Variants in RNF217 observed in about 807,000 individuals in gnomAD.
RNF217 encodes the protein ring finger protein 217, also known as E3 ubiquitin-protein ligase RNF217.
Under a neutral mutation model 57.8 loss-of-function variants are expected in RNF217, and 31 were observed. That is an observed-to-expected ratio of 0.54 (90% CI 0.40 to 0.72). RNF217 has a LOEUF of 0.72. RNF217 is among the 30% of genes least tolerant of loss of function. The pLI, the probability that RNF217 is intolerant of heterozygous loss-of-function variation, is 0.00. For missense variants in RNF217, 696 were observed against 708.3 expected (o/e 0.98, Z 0.20); for synonymous variants, 313 against 294.0 (o/e 1.06, Z -0.66).
Position 124,985,977 on chromosome 6 carries a change from A to G in RNF217, c.882+22551A>G, listed in dbSNP as rs144367584. The stretch of plus-strand genomic sequence containing the variant: ...GTTTCCTCCCAAAATTCATGTGTTG[A>G]AACTCAGCCATCAATGCAATAGTGT... On this transcript the variant is annotated intron_variant, in intron 1 of 5. Coordinates refer to ENST00000521654, the MANE Select transcript of RNF217 (RefSeq NM_001286398.3). Among the ~76,000 whole-genome samples the G allele has an allele frequency of 9.2e-5, 14 of 152,266 alleles. No homozygotes were observed. In the East Asian group the frequency reaches 2.7e-3, roughly 29 times the overall value.
intron 1 of RNF217, among the ~76,000 whole-genome samples, chr6:124,995,691 G>C (rs1373479062): frequency 6.6e-6 from 1 of 152,156 alleles, no homozygotes; most frequent in Non-Finnish European, 1.5e-5. Flanking sequence ...GGAGGTCGAG[G>C]TGGGTGGATC....
intron 1 of RNF217, among the ~76,000 whole-genome samples, chr6:124,988,371 C>A (rs1477548278): frequency 6.6e-6 from 1 of 152,184 alleles, no homozygotes; most frequent in African/African-American, 2.4e-5. Context: ...TTTACGACTG[C>A]TAACTCATCA....
At chr6:124,992,802 T>C (rs1784609718) in intron 1 of RNF217, among the ~76,000 whole-genome samples, 1 of 152,192 alleles carries the variant, frequency 6.6e-6, no homozygotes, top group African/African-American at 2.4e-5. Context: ...AATAAATTAC[T>C]AGTTAGTAAA....
chr6:124,962,903 G>T lies in RNF217; in HGVS notation c.359G>T (p.Gly120Val), dbSNP rs534668460. 6.3e-7 allele frequency: 1 copy of T among 1,598,116 alleles called. No homozygotes were observed. The highest frequency in any genetic ancestry group is 1.3e-5 in the African/African-American group (1 of 75,048). The change falls in exon 1 of 6, where the codon GGA becomes GTA. Residue 120 changes from glycine (G) to valine (V), a missense_variant. By Grantham distance (109) the Gly-to-Val change is moderately radical (BLOSUM62 -3). Around this residue, in one of 2 missense-constraint regions of RNF217, gnomAD observed 465 missense variants for 386.8 expected, o/e 1.20. Transcript: ENST00000521654. The surrounding 1 kb of genome is among the most constrained non-coding windows in gnomAD (Gnocchi z 4.6). ...EEEEAGDRKE[G>V]GDEQQEAPPG... The stretch of plus-strand genomic sequence containing the variant: ...GAGGAAGCTGGGGATCGAAAAGAGG[G>T]AGGGGATGAACAGCAGGAGGCGCCC...
rs1329805472 is a variant in RNF217, at chr6:124,963,093, G to T, written c.549G>T (p.Ser183=). The part of the protein sequence containing the change: ...LPEAPASEQL[S]PPASPPGAPP... ...AGGCCCCCGCCTCGGAGCAGCTCTC[G>T]CCGCCCGCGTCGCCACCTGGGGCTC... The change falls in exon 1 of 6, where the codon TCG becomes TCT. Residue 183 remains serine (S), a synonymous_variant. Transcript: ENST00000521654. The T allele has an allele frequency of 6.5e-7, 1 of 1,544,554 alleles. No individual in the cohort carries two copies. The highest frequency in any genetic ancestry group is 8.7e-7 in the Non-Finnish European group (1 of 1,152,418).
chr6:124,986,386 CAT>C (rs1178283991), intron 1 of RNF217, among the ~76,000 whole-genome samples: 2 of 152,180 alleles, frequency 1.3e-5, no homozygotes, highest in African/African-American at 4.8e-5. Context: ...CCTTTGATGT[CAT>C]ATTCAAGTAC....
chr6:125,036,099 T>C (rs1786604284), intron 1 of RNF217, among the ~76,000 whole-genome samples: 2 of 151,828 alleles, frequency 1.3e-5, no homozygotes, highest in African/African-American at 4.8e-5. Context: ...CTGACAGGCC[T>C]CGGTGTGTGA....
At chr6:125,065,394 T>A (rs547044635) in intron 3 of RNF217, among the ~76,000 whole-genome samples, 18 of 152,222 alleles carry the variant, frequency 1.2e-4, no homozygotes, top group African/African-American at 4.3e-4. Context: ...TTTACCAATA[T>A]GAATGTCCGA....
chr6:125,068,457 T>G (rs1044156531), intron 3 of RNF217, among the ~76,000 whole-genome samples: 1 of 152,210 alleles, frequency 6.6e-6, no homozygotes, highest in Non-Finnish European at 1.5e-5. Context: ...GAGTACTGTC[T>G]TCATACTTTC....
intron 1 of RNF217, among the ~76,000 whole-genome samples, chr6:125,034,760 G>A (rs1786529849): frequency 6.6e-6 from 1 of 152,074 alleles, no homozygotes; most frequent in African/African-American, 2.4e-5. Context: ...GATGGGGATG[G>A]CAACTGAATC....
In RNF217 at chr6:124,971,326, C is replaced by T. The variant is rs1783750164; in HGVS notation, c.882+7900C>T. On this transcript the variant is annotated intron_variant, in intron 1 of 5. Transcript: ENST00000521654. ...CACTTAATTACATGTTTTGAGGAAG[C>T]GAAAGGCTGCCACTCAAACTTAGGT... 6 of 159,390 alleles carry T rather than the reference C, an allele frequency of 3.8e-5. No individual in the cohort carries two copies. The South Asian group carries it at 7.8e-4, about 21-fold the overall frequency. 9.9% of individuals were successfully genotyped at this position (159,390 alleles called of 1,614,324 possible). A position where few individuals can be genotyped will look rare whatever the true frequency, so the allele number is the denominator to read the frequency against.
At position 125,086,170 on chromosome 6, in the gene RNF217, A is replaced by G. The variant is rs1788764562; in HGVS notation, c.*3233A>G. The G allele has an allele frequency of 6.6e-6, 1 of 152,010 alleles. No individual in the cohort carries two copies. The highest frequency in any genetic ancestry group is 2.4e-5 in the African/African-American group (1 of 41,422). 9.4% of individuals were successfully genotyped at this position (152,010 alleles called of 1,614,324 possible). ...AATTTCAGGAGATGAGGTCATAGAGATAATATGAGACCCTTTTTTGGATAA... is the reference window on the plus strand; with the variant it reads ...AATTTCAGGAGATGAGGTCATAGAGGTAATATGAGACCCTTTTTTGGATAA... On this transcript the variant is annotated 3_prime_UTR_variant, in exon 6 of 6. Transcript: ENST00000521654.
intron 3 of RNF217, among the ~76,000 whole-genome samples, chr6:125,075,064 C>T (rs1051179082): frequency 1.3e-5 from 2 of 152,180 alleles, no homozygotes; most frequent in African/African-American, 2.4e-5. Flanking sequence ...CTTGTCCAAC[C>T]TGTGGACCAC....
chr6:125,082,019 A>T (rs1481647420), intron 5 of RNF217, among the ~76,000 whole-genome samples: 3 of 152,260 alleles, frequency 2.0e-5, no homozygotes, highest in South Asian at 4.1e-4. Flanking sequence ...ATGCAAGTAT[A>T]TTAAAATGTG....
At chr6:124,966,521 A>G (rs1337288332) in intron 1 of RNF217, among the ~76,000 whole-genome samples, 2 of 152,226 alleles carry the variant, frequency 1.3e-5, no homozygotes, top group East Asian at 3.8e-4. Flanking sequence ...TTTGAAAAAA[A>G]TGATGTATTG....
chr6:125,026,623 C>G (rs1265934071), intron 1 of RNF217, among the ~76,000 whole-genome samples: 1 of 151,944 alleles, frequency 6.6e-6, no homozygotes, highest in African/African-American at 2.4e-5. Context: ...AACTTTGAAA[C>G]AAGTATTTAA....
intron 1 of RNF217, among the ~76,000 whole-genome samples, chr6:125,038,899 G>A (rs1201151264): frequency 6.6e-6 from 1 of 151,996 alleles, no homozygotes; most frequent in African/African-American, 2.4e-5. Flanking sequence ...GTAAACGTGT[G>A]CCATGGTGGT....
rs1788958102 is a variant in RNF217 at position 125,091,736 on chromosome 6, C to A, written c.*8799C>A. 1 of 152,056 alleles carries A rather than the reference C, an allele frequency of 6.6e-6. No individual in the cohort carries two copies. Among genetic ancestry groups the A allele is most frequent in the Admixed American group, 6.6e-5 (1 of 15,260 alleles). 9.4% of individuals were successfully genotyped at this position (152,056 alleles called of 1,614,324 possible). On this transcript the variant is annotated 3_prime_UTR_variant, in exon 6 of 6. Coordinates refer to ENST00000521654, the MANE Select transcript of RNF217 (RefSeq NM_001286398.3). Reference sequence around the variant, plus strand: ...CTGTATGGTACTTCAGGAATTTGACCAGTTCCTTACAACTTATTCTTGGCA... The same window carrying A: ...CTGTATGGTACTTCAGGAATTTGACAAGTTCCTTACAACTTATTCTTGGCA...
chr6:124,987,092 C>T (rs1193229531), intron 1 of RNF217, among the ~76,000 whole-genome samples: 5 of 152,084 alleles, frequency 3.3e-5, no homozygotes, highest in Admixed American at 6.5e-5. Flanking sequence ...GTTTTTTATA[C>T]GATTCTTTAG....
Sources: gnomAD v4.1 joint callset for allele counts (sites outside exome capture counted in the v4.1 genomes callset) on GRCh38, gnomAD v4.1.1 for gene constraint, gnomAD v4.1.1 regional missense constraint, Gnocchi (gnomAD v3.1) non-coding constraint, MANE v1.5 for transcripts, NCBI Gene and HGNC (gene_info 2026-07-23, HGNC 2026-07-21) for gene names.